DGLUCY: variants seen among roughly 807,000 people sequenced by gnomAD.
DGLUCY encodes D-glutamate cyclase.
A neutral mutation model predicts 58.5 loss-of-function variants in DGLUCY; 58 were observed. The observed-to-expected ratio is 0.99, with a 90% confidence interval of 0.80 to 1.23. The LOEUF (loss-of-function observed/expected upper bound fraction) is 1.23. Among genes scored for constraint, DGLUCY ranks in the 50% most tolerant of loss-of-function variants. The probability of loss-of-function intolerance (pLI) is 0.00; values close to 1 mark genes in which losing one functional copy is unlikely to be tolerated. For synonymous variants in DGLUCY, 325 were observed against 314.1 expected, an observed-to-expected ratio of 1.03 and a Z score of -0.37; for missense variants, 779 against 784.7, an observed-to-expected ratio of 0.99 and a Z score of 0.09.
Position 91,213,386 on chromosome 14 carries a change from G to A in DGLUCY, c.1565-2019G>A, listed in dbSNP as rs148960348. Among the ~76,000 whole-genome samples the A allele has an allele frequency of 2.7e-3, 405 of 151,936 alleles. 9 individuals are homozygous for A. The East Asian group carries it at 0.066, about 25-fold the overall frequency. ...GGAAGCAGAGGTTGCAGTGGGCTGA[G>A]ATCATAACACTGCACTCCAGCATGG... On this transcript the variant is annotated intron_variant, in intron 12 of 13. Coordinates refer to ENST00000256324, the MANE Select transcript of DGLUCY (RefSeq NM_001102368.3).
At chr14:91,157,989 G>A (rs966780932) in intron 2 of DGLUCY, among the ~76,000 whole-genome samples, 3 of 152,222 alleles carry the variant, frequency 2.0e-5, no homozygotes, top group Non-Finnish European at 2.9e-5. Flanking sequence ...GGAGGTACCT[G>A]TGGGGTGGCC....
intron 1 of DGLUCY, among the ~76,000 whole-genome samples, chr14:91,152,977 T>G (rs2047406677): frequency 6.6e-6 from 1 of 152,188 alleles, no homozygotes; most frequent in Admixed American, 6.6e-5. Flanking sequence ...TTCAGTGGGA[T>G]AAACTGGAAG....
chr14:91,219,437 G>A (rs1315290750), intron 13 of DGLUCY, among the ~76,000 whole-genome samples: 1 of 152,266 alleles, frequency 6.6e-6, no homozygotes, highest in East Asian at 1.9e-4. Context: ...CGTCACACTA[G>A]AGTTCTGCAG....
At chr14:91,116,053 T>C (rs1183034604) in intron 1 of DGLUCY, among the ~76,000 whole-genome samples, 1 of 152,244 alleles carries the variant, frequency 6.6e-6, no homozygotes, top group Non-Finnish European at 1.5e-5. Context: ...GCTCTTTCAA[T>C]TAATTTCAAT....
At chr14:91,184,647 G>C (rs1171397794) in intron 8 of DGLUCY, among the ~76,000 whole-genome samples, 1 of 116,258 alleles carries the variant, frequency 8.6e-6, no homozygotes, top group Non-Finnish European at 1.8e-5. Context: ...GAGGGAGGGA[G>C]GGAGGGAGGG....
At chr14:91,066,399 A>G (rs1396451252) in intron 1 of DGLUCY, among the ~76,000 whole-genome samples, 1 of 151,766 alleles carries the variant, frequency 6.6e-6, no homozygotes, top group Admixed American at 6.6e-5. Context: ...AAAAAAAAAA[A>G]AAAAAAGAAG....
upstream of DGLUCY, among the ~76,000 whole-genome samples, chr14:91,107,472 C>T (rs368887015): frequency 2.4e-4 from 37 of 151,904 alleles, no homozygotes; most frequent in South Asian, 7.7e-3. Context: ...GAGCTGAGAT[C>T]GCGCCACTGC....
chr14:91,111,976 G>A (rs2044709566), upstream of DGLUCY, among the ~76,000 whole-genome samples: 1 of 152,052 alleles, frequency 6.6e-6, no homozygotes, highest in Non-Finnish European at 1.5e-5. Context: ...CGTGGCTCAC[G>A]CCTGTAATCC....
At chr14:91,130,803 A>G (rs191830221) in intron 1 of DGLUCY, among the ~76,000 whole-genome samples, 63 of 152,158 alleles carry the variant, frequency 4.1e-4, no homozygotes, top group African/African-American at 1.3e-3. Context: ...TAATCTTTTC[A>G]TAGTTATAAA....
At chr14:91,103,811 A>AACACAC (rs72140720), upstream of DGLUCY, among the ~76,000 whole-genome samples, 24 of 151,382 alleles carry the variant, frequency 1.6e-4, no homozygotes, top group South Asian at 4.2e-4. Context: ...ACATATATGA[A>AACACAC]ACACACACAC....
chr14:91,225,000 G>A lies in DGLUCY; in HGVS notation c.*167G>A. 1 of 719,228 alleles carries A rather than the reference G, an allele frequency of 1.4e-6. No homozygotes were observed. Among genetic ancestry groups the A allele is most frequent in the South Asian group, 2.5e-5 (1 of 39,842 alleles). The allele number at this position is 719,228 out of a possible 1,614,324, so 44.6% of individuals were successfully genotyped here. Reference sequence around the variant, plus strand: ...CATGCCCACTTTCTGGGAGGGGTTAGTGCAGGTGCTGTGGACAAAGGACAA... The same window carrying A: ...CATGCCCACTTTCTGGGAGGGGTTAATGCAGGTGCTGTGGACAAAGGACAA... On this transcript the variant is annotated 3_prime_UTR_variant, in exon 14 of 14. Coordinates refer to ENST00000256324, the MANE Select transcript of DGLUCY (RefSeq NM_001102368.3).
chr14:91,083,815 G>A (rs1206597672), intron 1 of DGLUCY, among the ~76,000 whole-genome samples: 2 of 151,950 alleles, frequency 1.3e-5, no homozygotes, highest in African/African-American at 4.8e-5. Flanking sequence ...GGTTCAGCTT[G>A]GCTGTCACTT....
chr14:91,112,027 C>T (rs1446184161), upstream of DGLUCY, among the ~76,000 whole-genome samples: 5 of 151,616 alleles, frequency 3.3e-5, no homozygotes, highest in South Asian at 2.1e-4. Context: ...CACCTGAGGT[C>T]GGGAGTTCGA....
At chr14:91,167,487 T>A in intron 4 of DGLUCY, 109 bp downstream of exon 4, 1 of 1,412,542 alleles carries the variant, frequency 7.1e-7, no homozygotes, top group East Asian at 2.3e-5. Flanking sequence ...ACCTTCACAG[T>A]GCCTGGCACA....
intron 1 of DGLUCY, among the ~76,000 whole-genome samples, chr14:91,072,161 A>G (rs897695701): frequency 2.6e-5 from 4 of 151,952 alleles, no homozygotes; most frequent in Non-Finnish European, 4.4e-5. Context: ...CTTATCTACT[A>G]AAAATACAAA....
At chr14:91,159,173 G>T (rs2047835675) in intron 2 of DGLUCY, among the ~76,000 whole-genome samples, 1 of 151,180 alleles carries the variant, frequency 6.6e-6, no homozygotes, top group Non-Finnish European at 1.5e-5. Flanking sequence ...TAGGCCAGGT[G>T]TGGTGGCTCA....
chr14:91,209,388 A>G (rs1026075378), intron 12 of DGLUCY, among the ~76,000 whole-genome samples: 3 of 152,024 alleles, frequency 2.0e-5, no homozygotes, highest in Admixed American at 1.3e-4. Flanking sequence ...AATCACCATA[A>G]ATGTCAATGC....
intron 1 of DGLUCY, among the ~76,000 whole-genome samples, chr14:91,132,698 G>A (rs943300822): frequency 4.6e-5 from 7 of 150,838 alleles, no homozygotes; most frequent in South Asian, 2.1e-4. Flanking sequence ...GGGTGGTCTC[G>A]AACTCCTGAC....
intron 1 of DGLUCY, among the ~76,000 whole-genome samples, chr14:91,062,302 T>C (rs544637420): frequency 5.9e-4 from 90 of 151,846 alleles, no homozygotes; most frequent in African/African-American, 2.1e-3. Flanking sequence ...AGCCCAGCAC[T>C]GTGGGAGGCT....
Sources: gnomAD v4.1 joint callset for allele counts (sites outside exome capture counted in the v4.1 genomes callset) on GRCh38, gnomAD v4.1.1 for gene constraint, MANE v1.5 for transcripts, NCBI Gene and HGNC (gene_info 2026-07-23, HGNC 2026-07-21) for gene names.